Variants in CSTF1 observed in about 807,000 individuals in gnomAD.
CSTF1 encodes the protein cleavage stimulation factor subunit 1.
In CSTF1, 2 loss-of-function variants were observed where a neutral mutation model predicts 40.9. The observed-to-expected ratio is 0.05, with a 90% CI of 0.02 to 0.15. CSTF1 has a LOEUF of 0.15. CSTF1 is among the 10% of genes least tolerant of loss of function. The pLI is 1.00. For synonymous variants in CSTF1, 218 were observed against 207.2 expected (o/e 1.05, Z -0.45); for missense variants, 279 against 558.9 (o/e 0.50, Z 5.05).
Position 56,397,441 on chromosome 20 carries a change from T to C in CSTF1, c.404T>C (p.Leu135Pro). Reference protein sequence around the residue: ...TGSADASIKILDTERMLAKSA... With the variant: ...TGSADASIKIPDTERMLAKSA... ...TCTGCTGATGCTTCGATAAAGATAC[T>C]TGACACAGAGAGGATGTTGGCCAAA... The change falls in exon 3 of 6, where the codon CTT becomes CCT. Residue 135 changes from leucine to proline, a missense_variant. This residue lies in a region of CSTF1 where 66 missense variants were observed against 148.0 expected (regional missense o/e 0.45). Transcript: ENST00000217109. The surrounding 1 kb of genome is among the most constrained non-coding windows in gnomAD (Gnocchi z 4.4). The C allele has an allele frequency of 1.9e-6, 3 of 1,614,134 alleles. No homozygotes were observed. The highest frequency in any genetic ancestry group is 2.5e-6 in the Non-Finnish European group (3 of 1,180,034).
At position 56,399,134 on chromosome 20, in the gene CSTF1, T is replaced by G. The variant is rs1978347708; in HGVS notation, c.813T>G (p.Asn271Lys). The G allele has an allele frequency of 6.2e-7, 1 of 1,614,214 alleles. No homozygotes were observed. Among genetic ancestry groups the G allele is most frequent in the Admixed American group, 1.7e-5 (1 of 60,032 alleles). The change falls in exon 5 of 6, where the codon AAT (asparagine) becomes AAG (lysine). Residue 271 changes from asparagine (N) to lysine (K), a missense_variant. This residue lies in a region of CSTF1 where 162 missense variants were observed against 337.1 expected (regional missense o/e 0.48). Transcript: ENST00000217109. This position sits in a 1 kb window ranked among gnomAD's most constrained non-coding sequence, Gnocchi z 4.6. ...HTDAICSVNYNSSANMYVTGS... is the reference protein window; with the variant it reads ...HTDAICSVNYKSSANMYVTGS... ...ATGCTATATGTTCCGTTAATTACAATTCTAGTGCCAATATGTACGTAACTG... is the reference window on the plus strand; with the variant it reads ...ATGCTATATGTTCCGTTAATTACAAGTCTAGTGCCAATATGTACGTAACTG...
intron 5 of CSTF1, 135 bp from the exon 6 acceptor site, chr20:56,403,333 C>T (rs1978550373): frequency 2.8e-6 from 3 of 1,086,860 alleles, no homozygotes; most frequent in African/African-American, 3.1e-5. Flanking sequence ...CTTTTTTGTA[C>T]TTTTTTAGAG....
chr20:56,401,525 C>CTT (rs919656670), intron 5 of CSTF1, among the ~76,000 whole-genome samples: 3 of 152,162 alleles, frequency 2.0e-5, no homozygotes, highest in Non-Finnish European at 4.4e-5. Context: ...TAAATACACG[C>CTT]TTTTTGACCC....
In CSTF1 at chr20:56,397,298, A is replaced by G; in HGVS notation, c.261A>G (p.Ala87=). The change falls in exon 3 of 6, where the codon GCA becomes GCG. Residue 87 remains alanine, a synonymous_variant. Coordinates refer to ENST00000217109, the MANE Select transcript of CSTF1 (RefSeq NM_001324.3). The surrounding 1 kb of genome is among the most constrained non-coding windows in gnomAD (Gnocchi z 4.4). ...CAGGGATTGACCTGGAATTTGATGC[A>G]GATGTTCAGACTATGTCCCCAGAGG... ...PGTGIDLEFD[A]DVQTMSPEAS... is the part of the protein sequence containing the mutation. 1 of 1,614,250 alleles carries G rather than the reference A, an allele frequency of 6.2e-7. No homozygotes were observed. The highest frequency in any genetic ancestry group is 8.5e-7 in the Non-Finnish European group (1 of 1,180,052).
chr20:56,402,878 T>C (rs955912090), intron 5 of CSTF1, among the ~76,000 whole-genome samples: 1 of 149,420 alleles, frequency 6.7e-6, no homozygotes, highest in Non-Finnish European at 1.5e-5. Flanking sequence ...GAGGTTGCAG[T>C]GAGCCGAGAT....
chr20:56,399,909 G>T lies in CSTF1; in HGVS notation c.1036+552G>T, dbSNP rs1438082399. The stretch of plus-strand genomic sequence containing the variant: ...TGTTGGTCTCATTGGTAACAGTAGT[G>T]CCTGTGGAGTCTTTTTATAATGAAA... On this transcript the variant is annotated intron_variant, in intron 5 of 5. Transcript: ENST00000217109. This position sits in a 1 kb window ranked among gnomAD's most constrained non-coding sequence, Gnocchi z 4.6. Among the ~76,000 whole-genome samples the T allele has an allele frequency of 6.6e-6, 1 of 152,170 alleles. No homozygotes were observed. The highest frequency in any genetic ancestry group is 2.4e-5 in the African/African-American group (1 of 41,450).
Position 56,395,692 on chromosome 20 carries a change from C to T in CSTF1, c.140C>T (p.Ser47Leu). The T allele has an allele frequency of 6.2e-7, 1 of 1,614,046 alleles. No individual in the cohort carries two copies. Among genetic ancestry groups the T allele is most frequent in the Non-Finnish European group, 8.5e-7 (1 of 1,179,960 alleles). The change falls in exon 2 of 6, where the codon TCG becomes TTG. Residue 47 changes from serine to leucine, a missense_variant. This residue lies in a region of CSTF1 where 66 missense variants were observed against 148.0 expected (regional missense o/e 0.45). Transcript: ENST00000217109. ...AAGCCTCAGTCTGTGTGTGCACCCT[C>T]GGAGCAGCTCCTGCATCTCATCAAA... ...EIKPQSVCAP[S>L]EQLLHLIKLG...
chr20:56,398,854 A>G (rs894229319), intron 4 of CSTF1, 113 bp from the exon 5 acceptor site: 32 of 1,007,840 alleles, frequency 3.2e-5, no homozygotes, highest in African/African-American at 2.6e-4. Context: ...TACCTGTGTA[A>G]TATCTAATAA....
In CSTF1 at chr20:56,399,338, A is replaced by C. The variant is rs1221354545; in HGVS notation, c.1017A>C (p.Arg339=). 1 of 1,611,372 alleles carries C rather than the reference A, an allele frequency of 6.2e-7. No homozygotes were observed. Among genetic ancestry groups the C allele is most frequent in the South Asian group, 1.1e-5 (1 of 91,050 alleles). The change falls in exon 5 of 6, where the codon CGA becomes CGC. Residue 339 remains arginine, a synonymous_variant. Coordinates refer to ENST00000217109, the MANE Select transcript of CSTF1 (RefSeq NM_001324.3). This position sits in a 1 kb window ranked among gnomAD's most constrained non-coding sequence, Gnocchi z 4.6. Reference sequence around the variant, plus strand: ...AACTTTGGGAAATATCAACGGGACGAACACTGGTCAGATACACGGGTATGT... The same window carrying C: ...AACTTTGGGAAATATCAACGGGACGCACACTGGTCAGATACACGGGTATGT... ...VAKLWEISTG[R]TLVRYTGAGL...
intron 4 of CSTF1, among the ~76,000 whole-genome samples, chr20:56,398,592 AT>A (rs1978330298): frequency 6.6e-6 from 1 of 152,196 alleles, no homozygotes; most frequent in Non-Finnish European, 1.5e-5. Context: ...AATAAACTTA[AT>A]TTTTCACTCA....
chr20:56,393,427 C>G (rs1414761070), intron 1 of CSTF1, among the ~76,000 whole-genome samples: 3 of 152,114 alleles, frequency 2.0e-5, no homozygotes, highest in African/African-American at 7.2e-5. Flanking sequence ...TAGAATCTCT[C>G]ATCAACTTTT....
intron 1 of CSTF1, among the ~76,000 whole-genome samples, chr20:56,394,933 T>C (rs938371763): frequency 1.3e-5 from 2 of 152,216 alleles, no homozygotes; most frequent in Admixed American, 1.3e-4. Flanking sequence ...CGCATTTAAC[T>C]CGGTTGGAGT....
In CSTF1 at chr20:56,397,572, G is replaced by C. The variant is rs2146244431; in HGVS notation, c.448-72G>C. On this transcript the variant is annotated intron_variant, in intron 3 of 5. Transcript: ENST00000217109. This position sits in a 1 kb window ranked among gnomAD's most constrained non-coding sequence, Gnocchi z 4.4. ...GTATGGTTGAAACCAGCTTTAGTTT[G>C]CTACAGTTGTGGATTGTGCACTTGG... 1.9e-6 allele frequency: 3 copies of C among 1,598,028 alleles called. No homozygotes were observed. The highest frequency in any genetic ancestry group is 3.3e-4 in the Middle Eastern group (2 of 6,004).
intron 4 of CSTF1, among the ~76,000 whole-genome samples, chr20:56,398,156 A>AT (rs759036937): frequency 2.6e-5 from 4 of 152,236 alleles, no homozygotes; most frequent in Non-Finnish European, 5.9e-5. Context: ...ACTTAGAGGA[A>AT]TAAAAAAAAA....
chr20:56,396,960 A>T (rs1987534847), intron 2 of CSTF1: 3 of 454,656 alleles, frequency 6.6e-6, no homozygotes, highest in Non-Finnish European at 1.2e-5. Context: ...GGAGGCAAGA[A>T]CCTGGGGAAA....
intron 2 of CSTF1, chr20:56,396,037 T>C (rs899123350): frequency 2.0e-4 from 44 of 224,960 alleles, no homozygotes; most frequent in African/African-American, 9.3e-4. Flanking sequence ...TAACTCCTCC[T>C]AAAATAATCC....
intron 4 of CSTF1, among the ~76,000 whole-genome samples, 189 bp from the exon 5 acceptor site, chr20:56,398,778 T>G (rs1600730299): frequency 6.6e-6 from 1 of 152,230 alleles, no homozygotes; most frequent in Admixed American, 6.5e-5. Flanking sequence ...CCAGTAAATA[T>G]TTAGTTTTGG....
rs1978587497 is a variant in CSTF1, at chr20:56,403,888, T to A, written c.*161T>A. On this transcript the variant is annotated 3_prime_UTR_variant, in exon 6 of 6. Transcript: ENST00000217109. The stretch of plus-strand genomic sequence containing the variant: ...ATAAAAGAATCTTTTTTTACCTTGA[T>A]GTAGAATCATGGTGGAAAAAGTTGG... 1.4e-6 allele frequency: 1 copy of A among 714,776 alleles called. No homozygotes were observed. Among genetic ancestry groups the A allele is most frequent in the Non-Finnish European group, 2.3e-6 (1 of 438,990 alleles). The allele number at this position is 714,776 out of a possible 1,614,324, so 44.3% of individuals were successfully genotyped here.
Position 56,403,571 on chromosome 20 carries a change from C to G in CSTF1, c.1140C>G (p.Cys380Trp). 1 of 1,614,114 alleles carries G rather than the reference C, an allele frequency of 6.2e-7. No individual in the cohort carries two copies. Among genetic ancestry groups the G allele is most frequent in the Non-Finnish European group, 8.5e-7 (1 of 1,180,038 alleles). ...ACGAGAGGACGATCAGTCTTTGCTG[C>G]TGGGACTCGAGGACAGCCGAGCGGA... ...LPDERTISLC[C>W]WDSRTAERRN... Residue 380 changes from cysteine (C) to tryptophan (W), a missense_variant, in exon 6 of 6, where the codon TGC becomes TGG. By Grantham distance (215) the Cys-to-Trp change is radical (BLOSUM62 -2). Transcript: ENST00000217109.
Sources: allele counts gnomAD v4.1 joint callset (sites outside exome capture counted in the v4.1 genomes callset), GRCh38; gene constraint gnomAD v4.1.1; regional missense constraint gnomAD v4.1.1; non-coding constraint Gnocchi (gnomAD v3.1); transcripts MANE v1.5; gene names NCBI Gene and HGNC (gene_info 2026-07-23, HGNC 2026-07-21).